The following SLC39A11 variants were observed in gnomAD, a reference collection of about 807,000 sequenced individuals.
The protein encoded by SLC39A11 is solute carrier family 39 member 11.
Under a neutral mutation model 36.1 loss-of-function variants are expected in SLC39A11, and 33 were observed. The ratio of observed to expected loss-of-function variants is 0.91; its 90% CI spans 0.69 to 1.22. The LOEUF is 1.22. Among genes scored for constraint, SLC39A11 ranks in the 50% most tolerant of loss-of-function variants. The pLI, the probability that SLC39A11 is intolerant of heterozygous loss-of-function variation, is 0.00. For missense variants in SLC39A11, 432 were observed against 430.3 expected, an observed-to-expected ratio of 1.00 and a Z score of -0.03; for synonymous variants, 166 against 170.3, an observed-to-expected ratio of 0.97 and a Z score of 0.20.
chr17:72,767,814 G>A (rs987995156), intron 6 of SLC39A11, among the ~76,000 whole-genome samples: 2 of 152,190 alleles, frequency 1.3e-5, no homozygotes, highest in Non-Finnish European at 2.9e-5. Context: ...CCACCCAGGG[G>A]TTACAAAGAA....
intron 3 of SLC39A11, among the ~76,000 whole-genome samples, chr17:73,045,395 A>G (rs925653552): frequency 1.7e-4 from 25 of 147,378 alleles, no homozygotes; most frequent in African/African-American, 5.6e-4. Flanking sequence ...TTAAAAAAAA[A>G]AAAAAAAAAA....
At chr17:72,918,761 A>C (rs894341891) in intron 5 of SLC39A11, among the ~76,000 whole-genome samples, 2 of 152,166 alleles carry the variant, frequency 1.3e-5, no homozygotes, top group Non-Finnish European at 2.9e-5. Context: ...GCCCCCGGCC[A>C]GCCTTATAAA....
chr17:73,021,635 C>G (rs1440743173), intron 4 of SLC39A11, among the ~76,000 whole-genome samples: 1 of 152,126 alleles, frequency 6.6e-6, no homozygotes, highest in Non-Finnish European at 1.5e-5. Flanking sequence ...CCTCTTTCCC[C>G]TTCCATACTC....
chr17:72,767,755 G>A (rs1442412653), intron 6 of SLC39A11, among the ~76,000 whole-genome samples: 1 of 152,148 alleles, frequency 6.6e-6, no homozygotes, highest in East Asian at 1.9e-4. Context: ...AGGATAAATG[G>A]GCAGATGAAA....
chr17:72,802,255 A>G (rs2077111513), intron 6 of SLC39A11, among the ~76,000 whole-genome samples: 1 of 152,180 alleles, frequency 6.6e-6, no homozygotes, highest in Admixed American at 6.5e-5. Context: ...TTGTGGCCCA[A>G]GAGAAGGCCT....
intron 5 of SLC39A11, among the ~76,000 whole-genome samples, chr17:72,899,837 C>A (rs1197667840): frequency 6.6e-6 from 1 of 151,986 alleles, no homozygotes; most frequent in Non-Finnish European, 1.5e-5. Context: ...GGGCAGGTGC[C>A]TGTAATCCCA....
chr17:72,801,849 T>A (rs944812302), intron 6 of SLC39A11, among the ~76,000 whole-genome samples: 1 of 152,372 alleles, frequency 6.6e-6, no homozygotes, highest in Middle Eastern at 3.4e-3. Flanking sequence ...TTTTATGGTA[T>A]GTCAGTTATG....
chr17:72,742,436 A>C (rs2074754328), intron 6 of SLC39A11, among the ~76,000 whole-genome samples: 1 of 152,194 alleles, frequency 6.6e-6, no homozygotes, highest in Non-Finnish European at 1.5e-5. Flanking sequence ...TGAGGAGTCC[A>C]GGATTTACAA....
chr17:72,707,714 T>C (rs1340595171), intron 7 of SLC39A11, among the ~76,000 whole-genome samples: 1 of 152,202 alleles, frequency 6.6e-6, no homozygotes, highest in Non-Finnish European at 1.5e-5. Flanking sequence ...TGTTCTGTTA[T>C]ATTAAGTCAG....
At chr17:72,875,752 G>A (rs749833761) in intron 5 of SLC39A11, among the ~76,000 whole-genome samples, 1 of 152,080 alleles carries the variant, frequency 6.6e-6, no homozygotes, top group Non-Finnish European at 1.5e-5. Flanking sequence ...AATGCTTACT[G>A]TGTCAGACCC....
chr17:73,079,349 A>G (rs2060439654), intron 3 of SLC39A11, among the ~76,000 whole-genome samples: 1 of 152,146 alleles, frequency 6.6e-6, no homozygotes, highest in African/African-American at 2.4e-5. Flanking sequence ...CACCCACCTC[A>G]GCCTCCCAAA....
intron 6 of SLC39A11, among the ~76,000 whole-genome samples, chr17:72,843,847 T>C (rs1352793641): frequency 6.6e-6 from 1 of 152,112 alleles, no homozygotes; most frequent in Non-Finnish European, 1.5e-5. Flanking sequence ...TATTAAATAT[T>C]AACCCAAGAG....
intron 5 of SLC39A11, among the ~76,000 whole-genome samples, chr17:72,897,075 A>AAAC (rs1309896435): frequency 1.2e-3 from 181 of 147,316 alleles, no homozygotes; most frequent in African/African-American, 4.3e-3. Context: ...AAAAAAACAA[A>AAAC]CAGAAAAACA....
rs1598541671 is a variant in SLC39A11, at chr17:72,948,603, C to T, written c.307-728G>A. On this transcript the variant is annotated intron_variant, in intron 4 of 9. Coordinates refer to ENST00000255559, the MANE Select transcript of SLC39A11 (RefSeq NM_139177.4). Reference sequence around the variant, plus strand: ...ACAAAACCATCTCAAAGGAAGGAAGCAGTGCGAGTTGCAGAGAATGCACAC... The same window carrying T: ...ACAAAACCATCTCAAAGGAAGGAAGTAGTGCGAGTTGCAGAGAATGCACAC... Among the ~76,000 whole-genome samples, 3 of 152,336 alleles carry T rather than the reference C, an allele frequency of 2.0e-5. No individual in the cohort carries two copies. In the South Asian group the frequency reaches 6.2e-4, roughly 32 times the overall value.
intron 3 of SLC39A11, among the ~76,000 whole-genome samples, chr17:73,071,160 TGGAAGTGAACCATCAA>T (rs1755365178): frequency 6.6e-6 from 1 of 152,182 alleles, no homozygotes. Flanking sequence ...GAGAACTCTT[TGGAAGTGAACCATCAA>T]GGACATGAGG....
intron 6 of SLC39A11, among the ~76,000 whole-genome samples, chr17:72,833,347 A>C (rs1354743192): frequency 2.0e-5 from 3 of 152,246 alleles, no homozygotes; most frequent in Admixed American, 6.5e-5. Context: ...TCAGATATTC[A>C]GACCTTAAGA....
At chr17:72,773,664 C>T (rs963062785) in intron 6 of SLC39A11, among the ~76,000 whole-genome samples, 1 of 150,974 alleles carries the variant, frequency 6.6e-6, no homozygotes, top group Non-Finnish European at 1.5e-5. Context: ...CACACACACA[C>T]ACACACACAC....
intron 5 of SLC39A11, among the ~76,000 whole-genome samples, chr17:72,915,470 T>C (rs986434826): frequency 6.6e-6 from 1 of 152,224 alleles, no homozygotes; most frequent in Non-Finnish European, 1.5e-5. Flanking sequence ...TCCTGTGGCC[T>C]GTGTGGTACA....
chr17:72,693,488 A>C (rs1043212228), intron 7 of SLC39A11, among the ~76,000 whole-genome samples: 1 of 152,222 alleles, frequency 6.6e-6, no homozygotes, highest in Non-Finnish European at 1.5e-5. Context: ...AACATTATTA[A>C]AATGTTTTAC....
Sources: gnomAD v4.1 joint callset for allele counts (sites outside exome capture counted in the v4.1 genomes callset) on GRCh38, gnomAD v4.1.1 for gene constraint, MANE v1.5 for transcripts, NCBI Gene and HGNC (gene_info 2026-07-23, HGNC 2026-07-21) for gene names.